The following GNB4 variants were observed in gnomAD, a reference collection of about 807,000 sequenced individuals.
GNB4 encodes the protein guanine nucleotide-binding protein subunit beta-4.
In GNB4, 28 loss-of-function variants were observed where a neutral mutation model predicts 45.2. The ratio of observed to expected loss-of-function variants is 0.62; its 90% confidence interval spans 0.46 to 0.85. The LOEUF (loss-of-function observed/expected upper bound fraction) is 0.85. Ranked by LOEUF, GNB4 falls within the 40% of genes least tolerant of loss-of-function variation. The pLI is 0.00. For missense variants in GNB4, 321 were observed against 425.4 expected, an observed-to-expected ratio of 0.75 and a Z score of 2.16; for synonymous variants, 132 against 143.7, an observed-to-expected ratio of 0.92 and a Z score of 0.58.
At chr3:179,505,705 T>C in the GNB4 span, among the ~76,000 whole-genome samples, 13 of 152,194 alleles carry the variant, frequency 8.5e-5, no homozygotes, top group East Asian at 1.9e-4. Flanking sequence ...GTCTATATAA[T>C]GAGTGGAGTG....
At chr3:179,488,740 T>C in the GNB4 span, among the ~76,000 whole-genome samples, 5 of 151,712 alleles carry the variant, frequency 3.3e-5, no homozygotes, top group African/African-American at 1.2e-4. Context: ...ATCTTAGCAC[T>C]TTGGGAGGCT....
chr3:179,405,435 C>G, intron 8 of GNB4, 29 bp from the exon 9 acceptor site: 1 of 1,473,890 alleles, frequency 6.8e-7, no homozygotes, highest in Non-Finnish European at 9.4e-7. Context: ...AACATTTATT[C>G]TACAGATGTA....
rs201245486 is a variant in GNB4 at position 179,430,064 on chromosome 3, T to TGA, written c.-42-3824_-42-3823dup. On this transcript the variant is annotated intron_variant, in intron 1 of 9. Transcript: ENST00000232564. ...CATCTTCCTTGTGTGTGTGTGTGAC[T>TGA]GAGAGAGAGACAGACAGACAGACAG... Among the ~76,000 whole-genome samples, 60 of 104,374 alleles carry TGA rather than the reference T, an allele frequency of 5.7e-4. 1 individual carries two copies. Among genetic ancestry groups the TGA allele is most frequent in the South Asian group, 8.6e-4 (2 of 2,332 alleles). The allele number at this position is 104,374 out of a possible 152,430, so 68.5% of individuals were successfully genotyped here.
chr3:179,451,508 G>C (rs1011642547), upstream of GNB4: 1 of 150,706 alleles, frequency 6.6e-6, no homozygotes, highest in African/African-American at 2.4e-5. Flanking sequence ...ACTCCGCGGC[G>C]CGCCGGAGCC....
chr3:179,399,732 T>C lies in GNB4; in HGVS notation c.*1481A>G, dbSNP rs1714229245. 6.6e-6 allele frequency: 1 copy of C among 152,198 alleles called. No individual in the cohort carries two copies. Among genetic ancestry groups the C allele is most frequent in the South Asian group, 2.1e-4 (1 of 4,838 alleles). The allele number at this position is 152,198 out of a possible 1,614,324, so 9.4% of individuals were successfully genotyped here. Reference sequence around the variant, plus strand: ...AAGTTTGGGAGTATTTAGGTTAAGTTACACATGTTCAAAAGTTAACACAGA... The same window carrying C: ...AAGTTTGGGAGTATTTAGGTTAAGTCACACATGTTCAAAAGTTAACACAGA... On this transcript the variant is annotated 3_prime_UTR_variant, in exon 10 of 10. Transcript: ENST00000232564.
chr3:179,436,796 CTTG>C (rs1235559066), intron 1 of GNB4, among the ~76,000 whole-genome samples: 1 of 152,130 alleles, frequency 6.6e-6, no homozygotes, highest in East Asian at 1.9e-4. Flanking sequence ...GGTTTTTTAT[CTTG>C]TTTTTTGTTT....
chr3:179,418,803 G>A (rs1714890868), intron 4 of GNB4, among the ~76,000 whole-genome samples: 1 of 152,214 alleles, frequency 6.6e-6, no homozygotes, highest in African/African-American at 2.4e-5. Flanking sequence ...GAAAAACATA[G>A]GCTGTGCTGT....
In GNB4 at chr3:179,424,085, C is replaced by T. The variant is rs1042685334; in HGVS notation, c.57+2059G>A. 2.6e-5 allele frequency among the ~76,000 whole-genome samples: 4 copies of T among 152,162 alleles called. No homozygotes were observed. The East Asian group carries it at 7.7e-4, about 29-fold the overall frequency. ...ACATTAGTAACTAAGGTTGGGAGAA[C>T]CAACTTTAAGTTATAGCAGAACACA... On this transcript the variant is annotated intron_variant, in intron 2 of 9. Transcript: ENST00000232564.
chr3:179,486,066 T>G, the GNB4 span, among the ~76,000 whole-genome samples: 1 of 151,480 alleles, frequency 6.6e-6, no homozygotes, highest in Non-Finnish European at 1.5e-5. Context: ...CTACTGAAAA[T>G]ACAAAAATTA....
the GNB4 span, among the ~76,000 whole-genome samples, chr3:179,477,760 G>C: frequency 2.6e-5 from 4 of 151,718 alleles, no homozygotes. Context: ...CTATTTCTGG[G>C]GTCTTCCTCT....
the GNB4 span, chr3:179,464,942 G>A: frequency 1.4e-5 from 22 of 1,543,604 alleles, no homozygotes; most frequent in Non-Finnish European, 1.8e-5. Flanking sequence ...GGTTGTGGCT[G>A]GAAGGTCAAA....
the GNB4 span, among the ~76,000 whole-genome samples, chr3:179,524,548 G>C: frequency 6.6e-6 from 1 of 152,024 alleles, no homozygotes; most frequent in African/African-American, 2.4e-5. Flanking sequence ...TTGAAGGCGA[G>C]GTGAATTAAG....
rs892848796 is a variant in GNB4, at chr3:179,426,986, A to G, written c.-42-744T>C. Among the ~76,000 whole-genome samples the G allele has an allele frequency of 1.5e-4, 22 of 150,786 alleles. No individual in the cohort carries two copies. In the Admixed American group the frequency reaches 1.5e-3, roughly 10 times the overall value. On this transcript the variant is annotated intron_variant, in intron 1 of 9. Coordinates refer to ENST00000232564, the MANE Select transcript of GNB4 (RefSeq NM_021629.4). ...AGACCCTGTATCATTACACACACAC[A>G]CCCCCCTCTGACCTCATGTATCACT...
the GNB4 span, among the ~76,000 whole-genome samples, chr3:179,493,358 A>T: frequency 5.9e-5 from 9 of 152,294 alleles, no homozygotes; most frequent in South Asian, 1.4e-3. Context: ...TAACAAAATT[A>T]GTTCAACAGA....
the GNB4 span, chr3:179,464,211 C>G: frequency 2.6e-4 from 101 of 387,554 alleles, no homozygotes; most frequent in African/African-American, 1.5e-3. Flanking sequence ...ATAATCCCAA[C>G]GTTTTAGGAG....
intron 1 of GNB4, among the ~76,000 whole-genome samples, chr3:179,439,077 T>C (rs1715531936): frequency 6.6e-6 from 1 of 152,176 alleles, no homozygotes; most frequent in Admixed American, 6.5e-5. Context: ...AATTTATAAA[T>C]CCCTTCCCAG....
At chr3:179,440,880 T>TAGATAGAGAGAGAGAGAGAGAGAG (rs1553769655) in intron 1 of GNB4, among the ~76,000 whole-genome samples, 5 of 149,032 alleles carry the variant, frequency 3.4e-5, no homozygotes, top group African/African-American at 1.2e-4. Flanking sequence ...TATAGATAGA[T>TAGATAGAGAGAGAGAGAGAGAGAG]AGAGAGAGAG....
Position 179,396,543 on chromosome 3 carries a change from TAAGA to T in GNB4, c.*4666_*4669del, listed in dbSNP as rs1382603561. The T allele has an allele frequency of 6.6e-6, 1 of 152,174 alleles. No homozygotes were observed. Among genetic ancestry groups the T allele is most frequent in the Non-Finnish European group, 1.5e-5 (1 of 68,030 alleles). The allele number at this position is 152,174 out of a possible 1,614,324, so 9.4% of individuals were successfully genotyped here. ...AGTATATCACTGAAGTTCTATTAAT[TAAGA>T]AATAAATACTGTATGATGTAAGATT... On this transcript the variant is annotated 3_prime_UTR_variant, in exon 10 of 10. Transcript: ENST00000232564.
intron 6 of GNB4, 53 bp from the exon 7 acceptor site, chr3:179,413,834 T>C (rs1714720070): frequency 7.7e-7 from 1 of 1,305,350 alleles, no homozygotes; most frequent in South Asian, 1.2e-5. Context: ...AATAACTCAG[T>C]TACCATGTGA....
Sources: allele counts gnomAD v4.1 joint callset (sites outside exome capture counted in the v4.1 genomes callset), GRCh38; gene constraint gnomAD v4.1.1; transcripts MANE v1.5; gene names NCBI Gene and HGNC (gene_info 2026-07-23, HGNC 2026-07-21).